CASP5: variants seen among roughly 807,000 people sequenced by gnomAD.
CASP5 encodes caspase-5.
In CASP5, 42 loss-of-function variants were observed where a neutral mutation model predicts 45.2. That is an observed-to-expected ratio of 0.93 (90% CI 0.73 to 1.20). The LOEUF (loss-of-function observed/expected upper bound fraction) is 1.20, where lower values mean the gene tolerates loss of function less well. Ranked by LOEUF, CASP5 falls within the 50% of genes most tolerant of loss-of-function variation. The pLI is 0.00. For synonymous variants in CASP5, 209 were observed against 186.2 expected, an observed-to-expected ratio of 1.12 and a Z score of -1.00; for missense variants, 512 against 532.2, an observed-to-expected ratio of 0.96 and a Z score of 0.37.
intron 1 of CASP5, among the ~76,000 whole-genome samples, chr11:105,019,035 C>A (rs1365739396): frequency 6.8e-6 from 1 of 146,386 alleles, no homozygotes; most frequent in Non-Finnish European, 1.5e-5. Context: ...GGAAACTGAA[C>A]AACCTGCTCC....
chr11:105,013,877 T>A (rs1862466726), intron 1 of CASP5, among the ~76,000 whole-genome samples: 1 of 152,168 alleles, frequency 6.6e-6, no homozygotes, highest in African/African-American at 2.4e-5. Flanking sequence ...ATATTAAACT[T>A]CTTCTGCCTT....
intron 3 of CASP5, among the ~76,000 whole-genome samples, chr11:105,005,356 A>ATGTGTGTGTGTGTGTGTG (rs5794366): frequency 2.2e-5 from 3 of 139,340 alleles, no homozygotes; most frequent in African/African-American, 5.8e-5. Flanking sequence ...GTATATATAT[A>ATGTGTGTGTGTGTGTGTG]TGTGTGTGTG....
intron 1 of CASP5, among the ~76,000 whole-genome samples, chr11:105,017,249 A>C (rs12801520): frequency 0.093 from 14,072 of 150,876 alleles, 934 homozygotes; most frequent in Admixed American, 0.21. Flanking sequence ...AAGCAGAGCG[A>C]CTCTCCTCCT....
Position 105,002,510 on chromosome 11 carries a change from T to TATATGAAACACATCGGCTCA in CASP5, c.544-310_544-309insTGAGCCGATGTGTTTCATAT, listed in dbSNP as rs1591158438. Among the ~76,000 whole-genome samples the TATATGAAACACATCGGCTCA allele has an allele frequency of 4.6e-5, 7 of 152,366 alleles. No individual in the cohort carries two copies. In the East Asian group the frequency reaches 1.3e-3, roughly 29 times the overall value. On this transcript the variant is annotated intron_variant, in intron 4 of 9. Transcript: ENST00000260315. ...ATTTCATATAAACCAAGAGGTGTTG[T>TATATGAAACACATCGGCTCA]CATCGGCTCCAGTAAAAATAAATAT... is the stretch of plus-strand genomic sequence containing the variant.
At chr11:105,020,256 A>G (rs1485264157) in intron 1 of CASP5, among the ~76,000 whole-genome samples, 1 of 151,360 alleles carries the variant, frequency 6.6e-6, no homozygotes, top group Non-Finnish European at 1.5e-5. Context: ...CAAGACAGGG[A>G]TGCCCTCTCT....
At chr11:105,009,910 CAT>C (rs200875915) in intron 1 of CASP5, among the ~76,000 whole-genome samples, 2,078 of 128,880 alleles carry the variant, frequency 0.016, 87 homozygotes, top group African/African-American at 0.056. Context: ...TATATATACA[CAT>C]ATATATATAC....
chr11:105,003,913 T>C (rs1003338976), intron 3 of CASP5, among the ~76,000 whole-genome samples: 7 of 151,710 alleles, frequency 4.6e-5, no homozygotes, highest in Non-Finnish European at 7.4e-5. Context: ...TTTCAACATA[T>C]GTCACTAGCC....
intron 8 of CASP5, among the ~76,000 whole-genome samples, chr11:104,997,072 CA>C (rs1250227416): frequency 1.3e-5 from 2 of 152,150 alleles, no homozygotes; most frequent in African/African-American, 2.4e-5. Flanking sequence ...CACCTCCATC[CA>C]GTTTTTATTC....
Position 105,007,323 on chromosome 11 carries a change from T to G in CASP5, c.193A>C (p.Lys65Gln), listed in dbSNP as rs35450210. Residue 65 changes from lysine (K) to glutamine (Q), a missense_variant, in exon 3 of 10, where the codon AAA (lysine) becomes CAA (glutamine). Coordinates refer to ENST00000260315, the MANE Select transcript of CASP5 (RefSeq NM_004347.5). ...TCCAACATCTTAACTGTTTTTTTTT[T>G]GTGGTTGTCTTCTGTCAGAAATAGA... ...KSTSVKKDNH[K>Q]KKTVKMLEYL... 1 of 1,595,884 alleles carries G rather than the reference T, an allele frequency of 6.3e-7. No individual in the cohort carries two copies. The highest frequency in any genetic ancestry group is 8.5e-7 in the Non-Finnish European group (1 of 1,177,086).
rs147829209 is a variant in CASP5, at chr11:105,007,090, A to G, written c.426T>C (p.Ser142=). Residue 142 remains serine (S), a synonymous_variant, in exon 3 of 10, where the codon AGT becomes AGC. Coordinates refer to ENST00000260315, the MANE Select transcript of CASP5 (RefSeq NM_004347.5). ...TGTTAGATGCAACCTTACGTTTTAC[A>G]CTGGTGATCTTTTGGTCCATATTGA... ...TLLNMDQKIT[S]VKPLLQIEAG... is the part of the protein sequence containing the mutation. 779 of 1,611,218 alleles carry G rather than the reference A, an allele frequency of 4.8e-4. 5 individuals carry two copies. In the African/African-American group the frequency reaches 8.9e-3, roughly 18 times the overall value.
At chr11:105,013,420 C>CA (rs1280903549) in intron 1 of CASP5, among the ~76,000 whole-genome samples, 1 of 151,610 alleles carries the variant, frequency 6.6e-6, no homozygotes, top group Non-Finnish European at 1.5e-5. Flanking sequence ...GCTGTAATCA[C>CA]AAAAAAAGAT....
chr11:105,006,136 C>T (rs1250537349), intron 3 of CASP5, among the ~76,000 whole-genome samples: 3 of 152,114 alleles, frequency 2.0e-5, no homozygotes, highest in African/African-American at 4.8e-5. Context: ...GATCTGAGAA[C>T]ATTTAGGCTC....
At chr11:105,003,506 AT>A in intron 3 of CASP5, 123 bp from the exon 4 acceptor site, 1 of 562,676 alleles carries the variant, frequency 1.8e-6, no homozygotes, top group Non-Finnish European at 3.1e-6. Context: ...TTTAGGGGTT[AT>A]AGCTGTACCT....
chr11:105,009,704 G>GATATATATATACACATATATATATATAT (rs1862174396), intron 1 of CASP5, among the ~76,000 whole-genome samples: 2 of 98,480 alleles, frequency 2.0e-5, no homozygotes, highest in African/African-American at 7.7e-5. Context: ...TTTACCAGGA[G>GATATATATATACACATATATATATATAT]ATATATATAT....
At chr11:104,997,777 G>A (rs1252521474) in intron 7 of CASP5, among the ~76,000 whole-genome samples, 1 of 152,062 alleles carries the variant, frequency 6.6e-6, no homozygotes, top group African/African-American at 2.4e-5. Flanking sequence ...CTTAGAAAAG[G>A]GGACTTGAGA....
rs3181320 is a variant in CASP5, at chr11:105,008,901, G to C, written c.87C>G (p.Phe29Leu). Reference sequence around the variant, plus strand: ...TGTTCTTTAGCATGTGGTTTATCACGAAGTTATCCAATCCACTCTGAAGGA... The same window carrying C: ...TGTTCTTTAGCATGTGGTTTATCACCAAGTTATCCAATCCACTCTGAAGGA... ...KGILQSGLDNFVINHMLKNNV... is the reference protein window; with the variant it reads ...KGILQSGLDNLVINHMLKNNV... The change falls in exon 2 of 10, where the codon TTC becomes TTG. Residue 29 changes from phenylalanine to leucine, a missense_variant. Coordinates refer to ENST00000260315, the MANE Select transcript of CASP5 (RefSeq NM_004347.5). 0.012 allele frequency: 19,454 copies of C among 1,612,830 alleles called. 1,485 individuals are homozygous for C. In the African/African-American group the frequency reaches 0.19, roughly 16 times the overall value.
rs192859757 is a variant in CASP5 at position 104,994,974 on chromosome 11, C to T, written c.*5-627G>A. ...TAAAAAGGGCTCCCTGGCAGAACCTCCCACCAGACTGTGCACTGGGAAGAA... is the reference window on the plus strand; with the variant it reads ...TAAAAAGGGCTCCCTGGCAGAACCTTCCACCAGACTGTGCACTGGGAAGAA... On this transcript the variant is annotated intron_variant, in intron 9 of 9. Transcript: ENST00000260315. Among the ~76,000 whole-genome samples, 212 of 152,332 alleles carry T rather than the reference C, an allele frequency of 1.4e-3. 3 individuals are homozygous for T. Among genetic ancestry groups the T allele is most frequent in the African/African-American group, 4.8e-3 (199 of 41,582 alleles).
chr11:105,017,868 G>T (rs959486266), intron 1 of CASP5, among the ~76,000 whole-genome samples: 10 of 148,248 alleles, frequency 6.7e-5, no homozygotes, highest in African/African-American at 2.4e-4. Context: ...ATTCACCAAA[G>T]TTGAAATGAA....
In CASP5 at chr11:104,997,502, T is replaced by C. The variant is rs747618230; in HGVS notation, c.1097-10A>G. 7.7e-6 allele frequency: 12 copies of C among 1,558,296 alleles called. No individual in the cohort carries two copies. In the East Asian group the frequency reaches 2.0e-4, roughly 26 times the overall value. On this transcript the variant is annotated splice_polypyrimidine_tract_variant and intron_variant, in intron 7 of 9. Coordinates refer to ENST00000260315, the MANE Select transcript of CASP5 (RefSeq NM_004347.5). ...CTCCAGGACACGTTATCTATGATGA[T>C]ACAGCCTGGTATGCCTTGGGCTACG...
Sources: allele counts gnomAD v4.1 joint callset (sites outside exome capture counted in the v4.1 genomes callset), GRCh38; gene constraint gnomAD v4.1.1; transcripts MANE v1.5; gene names NCBI Gene and HGNC (gene_info 2026-07-23, HGNC 2026-07-21).